The following ITPKB variants were observed in gnomAD, a reference collection of about 807,000 sequenced individuals.
ITPKB encodes the protein inositol-trisphosphate 3-kinase B, also known as IP3 3-kinase B.
Under a neutral mutation model 69.4 loss-of-function variants are expected in ITPKB, and 13 were observed. The observed-to-expected ratio is 0.19, with a 90% CI of 0.12 to 0.30. The LOEUF is 0.30. Among genes scored for constraint, ITPKB ranks in the 10% least tolerant of loss-of-function variants. The pLI is 1.00. For synonymous variants in ITPKB, 584 were observed against 513.7 expected (o/e 1.14, Z -1.85); for missense variants, 1,240 against 1,250.5 (o/e 0.99, Z 0.13).
At chr1:226,643,178 CA>C (rs1668997392) in intron 4 of ITPKB, among the ~76,000 whole-genome samples, 1 of 152,112 alleles carries the variant, frequency 6.6e-6, no homozygotes, top group Non-Finnish European at 1.5e-5. Flanking sequence ...GGGAAGGTAA[CA>C]GGGGCAGGGA....
chr1:226,731,352 T>C (rs1657583927), intron 2 of ITPKB, among the ~76,000 whole-genome samples: 1 of 152,248 alleles, frequency 6.6e-6, no homozygotes, highest in South Asian at 2.1e-4. Context: ...TTTTTCAGTA[T>C]GAAATTACAA....
chr1:226,676,934 C>A (rs1669745067), intron 2 of ITPKB, among the ~76,000 whole-genome samples: 1 of 152,172 alleles, frequency 6.6e-6, no homozygotes, highest in South Asian at 2.1e-4. Flanking sequence ...ATTGTGTTGT[C>A]TTTTACGCAA....
At chr1:226,659,198 AGCACCCAGACTG>A (rs934843487) in intron 2 of ITPKB, among the ~76,000 whole-genome samples, 5 of 152,102 alleles carry the variant, frequency 3.3e-5, no homozygotes, top group Non-Finnish European at 1.5e-5. Flanking sequence ...GGCCAAGGGC[AGCACCCAGACTG>A]GCACCCAGGG....
intron 2 of ITPKB, among the ~76,000 whole-genome samples, chr1:226,650,832 A>C (rs2102748462): frequency 6.6e-6 from 1 of 152,296 alleles, no homozygotes; most frequent in Middle Eastern, 3.4e-3. Context: ...CTGGGGCCTC[A>C]GTTTCCTGTG....
At position 226,641,927 on chromosome 1, in the gene ITPKB, T is replaced by A; in HGVS notation, c.2445A>T (p.Gly815=). The A allele has an allele frequency of 6.2e-7, 1 of 1,613,068 alleles. No homozygotes were observed. Among genetic ancestry groups the A allele is most frequent in the East Asian group, 2.2e-5 (1 of 44,852 alleles). Residue 815 remains glycine, a synonymous_variant, in exon 5 of 8, where the codon GGA becomes GGT. Transcript: ENST00000429204. This position sits in a 1 kb window ranked among gnomAD's most constrained non-coding sequence, Gnocchi z 4.6. The stretch of plus-strand genomic sequence containing the variant: ...CCTCACTCGCCGGCCTCACCTTGAT[T>A]CCCTCGATCCTGAACCCCAGGGTGG... ...STATLGFRIE[G]IKKEDGTVNR...
At chr1:226,648,456 G>A (rs986027233) in intron 3 of ITPKB, among the ~76,000 whole-genome samples, 5 of 11,218 alleles carry the variant, frequency 4.5e-4, no homozygotes, top group African/African-American at 3.3e-3. Flanking sequence ...TGCATGTTTT[G>A]GAGGATGGGG....
chr1:226,639,071 T>TTTTTTC (rs768529645), intron 6 of ITPKB, among the ~76,000 whole-genome samples: 1 of 148,728 alleles, frequency 6.7e-6, no homozygotes. Flanking sequence ...TTTTTTTTTT[T>TTTTTTC]TCCCAGACAG....
At chr1:226,710,335 C>T (rs562591695) in intron 2 of ITPKB, among the ~76,000 whole-genome samples, 1 of 152,268 alleles carries the variant, frequency 6.6e-6, no homozygotes, top group Admixed American at 6.5e-5. Flanking sequence ...CAAGTAGGGG[C>T]CAGCTACGTA....
intron 2 of ITPKB, among the ~76,000 whole-genome samples, chr1:226,710,665 C>T (rs1392491246): frequency 6.6e-6 from 1 of 152,224 alleles, no homozygotes; most frequent in Non-Finnish European, 1.5e-5. Context: ...TGCTGGGACA[C>T]GCTTGGTATT....
chr1:226,726,995 T>C (rs1053037450), intron 2 of ITPKB, among the ~76,000 whole-genome samples: 5 of 152,218 alleles, frequency 3.3e-5, no homozygotes, highest in African/African-American at 1.2e-4. Context: ...AAATTGTTTA[T>C]CTCATTGTCA....
intron 6 of ITPKB, among the ~76,000 whole-genome samples, chr1:226,639,079 CAG>C (rs1447871692): frequency 8.0e-6 from 1 of 124,588 alleles, no homozygotes; most frequent in African/African-American, 3.1e-5. Flanking sequence ...TTTTCCCAGA[CAG>C]AGTTTCATTC....
At chr1:226,650,759 G>A (rs995024654) in intron 2 of ITPKB, among the ~76,000 whole-genome samples, 1 of 152,180 alleles carries the variant, frequency 6.6e-6, no homozygotes, top group Non-Finnish European at 1.5e-5. Context: ...TCCAGGGCTC[G>A]CCCTAACCCA....
At chr1:226,724,826 G>C (rs1408792809) in intron 2 of ITPKB, among the ~76,000 whole-genome samples, 1 of 152,186 alleles carries the variant, frequency 6.6e-6, no homozygotes, top group East Asian at 1.9e-4. Context: ...AGCTGACTGG[G>C]CTCTGCACCG....
At position 226,634,633 on chromosome 1, in the gene ITPKB, A is replaced by AGGAGGCCCAG. The variant is rs756058200; in HGVS notation, c.*28_*37dup. On this transcript the variant is annotated 3_prime_UTR_variant, in exon 8 of 8. Transcript: ENST00000429204. This position sits in a 1 kb window ranked among gnomAD's most constrained non-coding sequence, Gnocchi z 6.3. Reference sequence around the variant, plus strand: ...GAGAAAGGAAGCACAGGAGGAGGAAAGGAGGCCCAGGCGGGGGCCAGGGAG... The same window carrying AGGAGGCCCAG: ...GAGAAAGGAAGCACAGGAGGAGGAAAGGAGGCCCAGGGAGGCCCAGGCGGGGGCCAGGGAG... 15 of 758,288 alleles carry AGGAGGCCCAG rather than the reference A, an allele frequency of 2.0e-5. No homozygotes were observed. The highest frequency in any genetic ancestry group is 3.7e-5 in the Non-Finnish European group (15 of 404,020). 47.0% of individuals were successfully genotyped at this position (758,288 alleles called of 1,614,324 possible).
In ITPKB at chr1:226,732,901, T is replaced by A. The variant is rs1657634213; in HGVS notation, c.1932+2626A>T. ...GTGTCTGATCCCTACTAAGCAGATA[T>A]ACTGTCACCCCCTGCCTGCACACCA... On this transcript the variant is annotated intron_variant, in intron 2 of 7. Coordinates refer to ENST00000429204, the MANE Select transcript of ITPKB (RefSeq NM_002221.4). 2.6e-5 allele frequency among the ~76,000 whole-genome samples: 4 copies of A among 152,308 alleles called. No individual in the cohort carries two copies. The South Asian group carries it at 8.3e-4, about 32-fold the overall frequency.
At chr1:226,719,808 C>T (rs958669310) in intron 2 of ITPKB, among the ~76,000 whole-genome samples, 9 of 152,192 alleles carry the variant, frequency 5.9e-5, no homozygotes, top group Non-Finnish European at 1.3e-4. Context: ...GGCATCTGGA[C>T]ACGTGCAGAT....
At chr1:226,702,265 T>C (rs1013778020) in intron 2 of ITPKB, among the ~76,000 whole-genome samples, 6 of 151,924 alleles carry the variant, frequency 3.9e-5, no homozygotes, top group South Asian at 2.1e-4. Flanking sequence ...GGTGTGGTGG[T>C]GGGCGCCTAT....
intron 2 of ITPKB, among the ~76,000 whole-genome samples, chr1:226,725,905 C>T (rs79941246): frequency 0.017 from 2,637 of 152,302 alleles, 74 homozygotes; most frequent in African/African-American, 0.058. Flanking sequence ...CTGCTGTGGA[C>T]GCAGAGATTG....
At position 226,668,686 on chromosome 1, in the gene ITPKB, A is replaced by G. The variant is rs79563498; in HGVS notation, c.1933-19915T>C. On this transcript the variant is annotated intron_variant, in intron 2 of 7. Transcript: ENST00000429204. ...TATGTTTAAGATTTATCCTATTTGT[A>G]TATCTGCTGTTTCAACCAAAAGAAA... Among the ~76,000 whole-genome samples, 262 of 152,338 alleles carry G rather than the reference A, an allele frequency of 1.7e-3. 3 individuals carry two copies. The East Asian group carries it at 0.04, about 23-fold the overall frequency.
Sources: allele counts gnomAD v4.1 joint callset (sites outside exome capture counted in the v4.1 genomes callset), GRCh38; gene constraint gnomAD v4.1.1; non-coding constraint Gnocchi (gnomAD v3.1); transcripts MANE v1.5; gene names NCBI Gene and HGNC (gene_info 2026-07-23, HGNC 2026-07-21).